The following RIMS1 variants were observed in gnomAD, a reference collection of about 807,000 sequenced individuals.
The protein encoded by RIMS1 is regulating synaptic membrane exocytosis protein 1.
A neutral mutation model predicts 214.1 loss-of-function variants in RIMS1; 83 were observed. The observed-to-expected ratio is 0.39, with a 90% CI of 0.32 to 0.47. The LOEUF (loss-of-function observed/expected upper bound fraction) is 0.47, where lower values mean the gene tolerates loss of function less well. Ranked by LOEUF, RIMS1 falls within the 20% of genes least tolerant of loss-of-function variation. The probability of loss-of-function intolerance (pLI) is 0.99; values close to 1 mark genes in which losing one functional copy is unlikely to be tolerated. For synonymous variants in RIMS1, 793 were observed against 786.8 expected, an observed-to-expected ratio of 1.01 and a Z score of -0.13; for missense variants, 2,050 against 2,161.8, an observed-to-expected ratio of 0.95 and a Z score of 1.03.
At chr6:72,320,764 A>G (rs1028276257) in intron 28 of RIMS1, among the ~76,000 whole-genome samples, 5 of 152,090 alleles carry the variant, frequency 3.3e-5, no homozygotes, top group African/African-American at 7.2e-5. Context: ...ATAGCATTAT[A>G]TAGATTGTCC....
chr6:72,277,581 C>A (rs1347513288), intron 23 of RIMS1, among the ~76,000 whole-genome samples: 178 of 138,022 alleles, frequency 1.3e-3, no homozygotes, highest in Middle Eastern at 3.8e-3. Flanking sequence ...GACTCTGTCT[C>A]AAAAAAAAAA....
intron 3 of RIMS1, among the ~76,000 whole-genome samples, chr6:72,097,738 C>T (rs1178024207): frequency 6.6e-6 from 1 of 152,058 alleles, no homozygotes. Flanking sequence ...AAGATATATT[C>T]TTACCTGATG....
chr6:72,315,184 CA>C (rs1232343105), intron 28 of RIMS1, among the ~76,000 whole-genome samples: 1 of 152,094 alleles, frequency 6.6e-6, no homozygotes. Flanking sequence ...GGCAACTCAA[CA>C]AATCAGCATG....
intron 1 of RIMS1, among the ~76,000 whole-genome samples, chr6:71,908,749 G>A (rs1776025440): frequency 6.6e-6 from 1 of 152,064 alleles, no homozygotes; most frequent in South Asian, 2.1e-4. Context: ...AATATGTTTT[G>A]TTCAAGCCTA....
chr6:72,135,348 T>C (rs987753871), intron 4 of RIMS1, among the ~76,000 whole-genome samples: 5 of 152,174 alleles, frequency 3.3e-5, no homozygotes, highest in African/African-American at 4.8e-5. Context: ...GCAATTATCA[T>C]GCATAATGTC....
chr6:72,179,393 G>T, intron 4 of RIMS1, 182 bp from the exon 5 acceptor site: 1 of 656,368 alleles, frequency 1.5e-6, no homozygotes, highest in Non-Finnish European at 2.7e-6. Context: ...TCTCAGACAA[G>T]TCCCTGTCTA....
At chr6:72,232,924 A>G (rs530059022) in intron 6 of RIMS1, among the ~76,000 whole-genome samples, 1 of 151,904 alleles carries the variant, frequency 6.6e-6, no homozygotes, top group African/African-American at 2.4e-5. Context: ...AGCATGCTTT[A>G]CTCACTTTAT....
chr6:72,136,806 A>C (rs1206675848), intron 4 of RIMS1, among the ~76,000 whole-genome samples: 8 of 152,122 alleles, frequency 5.3e-5, no homozygotes, highest in Non-Finnish European at 1.2e-4. Context: ...TGTTTGGTAA[A>C]ATTGACAGCC....
intron 2 of RIMS1, among the ~76,000 whole-genome samples, chr6:72,091,186 C>T (rs1375295469): frequency 6.6e-6 from 1 of 152,170 alleles, no homozygotes; most frequent in East Asian, 1.9e-4. Flanking sequence ...TCAGAGAAAG[C>T]CCTCACCTGC....
At position 72,290,831 on chromosome 6, in the gene RIMS1, G is replaced by T. The variant is rs1055356005; in HGVS notation, c.3707G>T (p.Gly1236Val). Residue 1236 changes from glycine (G) to valine (V), a missense_variant, in exon 25 of 34, where the codon GGG becomes GTG. By Grantham distance (109) the Gly-to-Val change is moderately radical. Transcript: ENST00000521978. The stretch of plus-strand genomic sequence containing the variant: ...TCTATGCACCACCTTGTCCCTGGAG[G>T]GTCGGCGCCACCTTCTCCGCTTCTG... ...LCSMHHLVPG[G>V]SAPPSPLLTR... 11 of 1,613,000 alleles carry T rather than the reference G, an allele frequency of 6.8e-6. No individual in the cohort carries two copies. Among genetic ancestry groups the T allele is most frequent in the Non-Finnish European group, 9.3e-6 (11 of 1,179,686 alleles).
At chr6:71,898,115 A>C (rs1489952514) in intron 1 of RIMS1, among the ~76,000 whole-genome samples, 1 of 152,172 alleles carries the variant, frequency 6.6e-6, no homozygotes, top group Non-Finnish European at 1.5e-5. Context: ...GGTTTTTGAA[A>C]GACAGCATTC....
intron 1 of RIMS1, among the ~76,000 whole-genome samples, chr6:71,940,117 A>T (rs1012413379): frequency 6.6e-6 from 1 of 152,210 alleles, no homozygotes; most frequent in African/African-American, 2.4e-5. Flanking sequence ...AGTTATAATG[A>T]TCATTCTTAT....
At chr6:72,069,354 A>G (rs1830066275) in intron 2 of RIMS1, among the ~76,000 whole-genome samples, 1 of 152,348 alleles carries the variant, frequency 6.6e-6, no homozygotes, top group African/African-American at 2.4e-5. Flanking sequence ...CAGGGAGCTA[A>G]CAAACTGTAG....
intron 2 of RIMS1, among the ~76,000 whole-genome samples, chr6:71,969,455 T>C (rs768847054): frequency 6.6e-6 from 1 of 152,144 alleles, no homozygotes; most frequent in African/African-American, 2.4e-5. Context: ...GGGAAATGCA[T>C]AGGTAGTCCA....
chr6:72,303,510 A>T (rs547476861), intron 26 of RIMS1, among the ~76,000 whole-genome samples: 1 of 151,414 alleles, frequency 6.6e-6, no homozygotes, highest in Admixed American at 6.6e-5. Context: ...TTTGTAAATT[A>T]TATTTATTTT....
At chr6:72,161,032 G>A (rs1297498628) in intron 4 of RIMS1, among the ~76,000 whole-genome samples, 1 of 138,644 alleles carries the variant, frequency 7.2e-6, no homozygotes, top group Admixed American at 7.4e-5. Context: ...TTTTTTGGTT[G>A]GTAGGCAATT....
intron 29 of RIMS1, among the ~76,000 whole-genome samples, chr6:72,343,832 G>A (rs556256450): frequency 2.0e-5 from 3 of 151,630 alleles, no homozygotes; most frequent in East Asian, 3.9e-4. Flanking sequence ...ATAGATGTTA[G>A]ATTTCAAAAT....
chr6:72,398,323 CAAAA>C lies in RIMS1; in HGVS notation c.4694_4697del (p.Gln1565ArgfsTer23). ...AGTCATTAGAGCACGAAGCCTCACA[CAAAA>C]GCCTGGTTCCAAATCTACACCTGGT... On this transcript the variant is annotated frameshift_variant, in exon 32 of 34. Coordinates refer to ENST00000521978, the MANE Select transcript of RIMS1 (RefSeq NM_014989.7). LOFTEE classifies it high-confidence loss of function. 1 of 1,602,980 alleles carries C rather than the reference CAAAA, an allele frequency of 6.2e-7. No homozygotes were observed. The highest frequency in any genetic ancestry group is 8.5e-7 in the Non-Finnish European group (1 of 1,174,808).
intron 29 of RIMS1, among the ~76,000 whole-genome samples, chr6:72,381,190 G>C (rs775671391): frequency 6.6e-6 from 1 of 152,112 alleles, no homozygotes; most frequent in Non-Finnish European, 1.5e-5. Context: ...TCCTAGGGTG[G>C]TCCCTCTTGT....
Sources: gnomAD v4.1 joint callset for allele counts (sites outside exome capture counted in the v4.1 genomes callset) on GRCh38, gnomAD v4.1.1 for gene constraint, MANE v1.5 for transcripts, NCBI Gene and HGNC (gene_info 2026-07-23, HGNC 2026-07-21) for gene names.